KAZN: variants seen among roughly 807,000 people sequenced by gnomAD.
KAZN encodes kazrin, periplakin interacting protein.
Under a neutral mutation model 87.4 loss-of-function variants are expected in KAZN, and 40 were observed. The ratio of observed to expected loss-of-function variants is 0.46; its 90% CI spans 0.36 to 0.60. The LOEUF is 0.60. Ranked by LOEUF, KAZN falls within the 20% of genes least tolerant of loss-of-function variation. The pLI is 0.00. For missense variants in KAZN, 898 were observed against 1,073.9 expected (o/e 0.84, Z 2.29); for synonymous variants, 466 against 458.3 (o/e 1.02, Z -0.22).
chr1:14,660,722 T>C (rs1208837596), intron 1 of KAZN, among the ~76,000 whole-genome samples: 1 of 152,108 alleles, frequency 6.6e-6, no homozygotes, highest in Admixed American at 6.5e-5. Flanking sequence ...TGGAAAACTT[T>C]TATGTACTAG....
chr1:15,106,222 A>G (rs528704216), intron 13 of KAZN, among the ~76,000 whole-genome samples: 1 of 152,290 alleles, frequency 6.6e-6, no homozygotes, highest in East Asian at 1.9e-4. Context: ...GTGAGGCTGC[A>G]GTGAGCTATG....
chr1:13,963,904 T>C (rs1210990350), intron 1 of KAZN, among the ~76,000 whole-genome samples: 1 of 152,148 alleles, frequency 6.6e-6, no homozygotes, highest in East Asian at 1.9e-4. Context: ...AATTGCCAGC[T>C]GTGCTATCTG....
intron 1 of KAZN, among the ~76,000 whole-genome samples, chr1:14,874,470 CTGGATGGATGGATGGATGGATGGA>C (rs58006026): frequency 6.8e-6 from 1 of 147,976 alleles, no homozygotes; most frequent in African/African-American, 2.5e-5. Context: ...AGCTGGCTGA[CTGGATGGATGGATGGATGGATGGA>C]TGGATGGATG....
At chr1:14,955,322 G>A (rs749833658) in intron 1 of KAZN, among the ~76,000 whole-genome samples, 4 of 152,234 alleles carry the variant, frequency 2.6e-5, no homozygotes, top group African/African-American at 4.8e-5. Flanking sequence ...CATCTCCCCC[G>A]TTTTACAGGT....
At chr1:14,434,643 C>T (rs560133436) in intron 2 of KAZN, among the ~76,000 whole-genome samples, 85 of 152,226 alleles carry the variant, frequency 5.6e-4, no homozygotes, top group African/African-American at 1.7e-3. Context: ...TTTTGGGAAA[C>T]CTTAGAATGG....
At position 15,056,431 on chromosome 1, in the gene KAZN, A is replaced by G. The variant is rs1169076705; in HGVS notation, c.916+151A>G. On this transcript the variant is annotated intron_variant, in intron 5 of 14. Transcript: ENST00000376030. The surrounding 1 kb of genome is among the most constrained non-coding windows in gnomAD (Gnocchi z 5.4). ...TTGGGCTCATGTAACTGAAAAATCT[A>G]AGAGATGGACAGCAGGCATAGCTGG... 2.6e-6 allele frequency: 2 copies of G among 759,240 alleles called. No homozygotes were observed. The highest frequency in any genetic ancestry group is 4.1e-6 in the Non-Finnish European group (2 of 486,550). 47.0% of individuals were successfully genotyped at this position (759,240 alleles called of 1,614,324 possible). A position where few individuals can be genotyped will look rare whatever the true frequency, so the allele number is the denominator to read the frequency against.
chr1:14,119,101 C>A lies in KAZN; in HGVS notation c.92-61334C>A, dbSNP rs72862591. Among the ~76,000 whole-genome samples the A allele has an allele frequency of 9.7e-3, 1,477 of 152,186 alleles. 24 individuals carry two copies. Among genetic ancestry groups the A allele is most frequent in the African/African-American group, 0.034 (1,414 of 41,524 alleles). The stretch of plus-strand genomic sequence containing the variant: ...CAGGATTCTGAATCTTTTTCAGAGA[C>A]AACACTAGGTAAGAAGAGTCACCAA... On this transcript the variant is annotated intron_variant, in intron 1 of 16. Transcript: ENST00000636203.
At chr1:14,546,316 A>G (rs1673138846) in intron 2 of KAZN, among the ~76,000 whole-genome samples, 3 of 152,242 alleles carry the variant, frequency 2.0e-5, no homozygotes, top group Admixed American at 2.0e-4. Context: ...AAGCTTCCAG[A>G]GAGAAAATGG....
In KAZN at chr1:15,002,145, G is replaced by A. The variant is rs145706460; in HGVS notation, c.419-32604G>A. On this transcript the variant is annotated intron_variant, in intron 2 of 14. Coordinates refer to ENST00000376030, the MANE Select transcript of KAZN (RefSeq NM_201628.3). ...TCCACCCGCCTCGTCCTCCCAAAGT[G>A]CTGGGATTACAGGCGTGAGCCACCG... 3.3e-3 allele frequency among the ~76,000 whole-genome samples: 500 copies of A among 152,228 alleles called. 14 individuals carry two copies. The East Asian group carries it at 0.078, about 24-fold the overall frequency.
At chr1:14,733,459 T>C (rs542521161) in intron 1 of KAZN, among the ~76,000 whole-genome samples, 1 of 152,210 alleles carries the variant, frequency 6.6e-6, no homozygotes, top group Non-Finnish European at 1.5e-5. Context: ...ACTTCAGCAA[T>C]AGTTGAATTA....
At chr1:14,877,465 A>G (rs958687071) in intron 1 of KAZN, among the ~76,000 whole-genome samples, 1 of 152,192 alleles carries the variant, frequency 6.6e-6, no homozygotes, top group South Asian at 2.1e-4. Flanking sequence ...AGATAGGCAT[A>G]TGGGGTCAGC....
intron 1 of KAZN, among the ~76,000 whole-genome samples, chr1:14,919,245 C>T (rs1025028582): frequency 2.6e-5 from 4 of 152,136 alleles, no homozygotes; most frequent in Non-Finnish European, 4.4e-5. Context: ...GGCACGATCT[C>T]GGCTCACTGC....
In KAZN at chr1:14,803,917, A is replaced by C. The variant is rs115353664; in HGVS notation, c.227-156767A>C. On this transcript the variant is annotated intron_variant, in intron 1 of 14. Transcript: ENST00000376030. ...AGGCAGATCCTGTCCTCCAGTGAAC[A>C]TGGTGCATTTCATCAGAGCCCGCTC... Among the ~76,000 whole-genome samples the C allele has an allele frequency of 8.0e-3, 1,219 of 152,316 alleles. 18 individuals are homozygous for C. The highest frequency in any genetic ancestry group is 0.027 in the African/African-American group (1,115 of 41,562).
chr1:14,364,790 CTTTCAGCTCCTGGTGTTCCTTGGCTT>C (rs545037256), intron 2 of KAZN, among the ~76,000 whole-genome samples: 106 of 152,354 alleles, frequency 7.0e-4, no homozygotes, highest in African/African-American at 2.5e-3. Flanking sequence ...TTCCTTGTCT[CTTTCAGCTCCTGGTGTTCCTTGGCTT>C]GTGGCCGCAT....
intron 2 of KAZN, among the ~76,000 whole-genome samples, chr1:14,265,861 C>T (rs901643015): frequency 4.6e-5 from 7 of 152,208 alleles, no homozygotes; most frequent in Non-Finnish European, 7.3e-5. Flanking sequence ...ATTTCCATTT[C>T]CATCTCTCAT....
Position 15,112,466 on chromosome 1 carries a change from C to G in KAZN, c.2088C>G (p.Pro696=). ...GGGAGGCTGAGCGTTTTGGAACGCC[C>G]CCTGGCAGGGCCTCCAGCGTCACGC... The part of the protein sequence containing the change: ...GIREAERFGT[P]PGRASSVTRA... The change falls in exon 14 of 15, where the codon CCC becomes CCG. Residue 696 remains proline, a synonymous_variant. Transcript: ENST00000376030. 6.2e-7 allele frequency: 1 copy of G among 1,607,872 alleles called. No individual in the cohort carries two copies.
At chr1:14,060,648 C>T (rs929974008) in intron 1 of KAZN, among the ~76,000 whole-genome samples, 1 of 152,186 alleles carries the variant, frequency 6.6e-6, no homozygotes, top group African/African-American at 2.4e-5. Flanking sequence ...TCTGTGACAT[C>T]TGTGACAATG....
At chr1:14,801,074 G>A (rs1258519620) in intron 1 of KAZN, among the ~76,000 whole-genome samples, 1 of 151,962 alleles carries the variant, frequency 6.6e-6, no homozygotes, top group Non-Finnish European at 1.5e-5. Context: ...AAATACGTGG[G>A]AGAAAAAGAG....
intron 2 of KAZN, among the ~76,000 whole-genome samples, chr1:14,412,590 A>C (rs1343155357): frequency 6.6e-6 from 1 of 152,170 alleles, no homozygotes; most frequent in Non-Finnish European, 1.5e-5. Context: ...AAATGTATGA[A>C]ACTTTATTAA....
Sources: allele counts gnomAD v4.1 joint callset (sites outside exome capture counted in the v4.1 genomes callset), GRCh38; gene constraint gnomAD v4.1.1; non-coding constraint Gnocchi (gnomAD v3.1); transcripts MANE v1.5; gene names NCBI Gene and HGNC (gene_info 2026-07-23, HGNC 2026-07-21).